The following GAPVD1 variants were observed in gnomAD, a reference collection of about 807,000 sequenced individuals.
The protein encoded by GAPVD1 is GTPase activating protein and VPS9 domains 1.
In GAPVD1, 35 loss-of-function variants were observed where a neutral mutation model predicts 155.5. The ratio of observed to expected loss-of-function variants is 0.23; its 90% CI spans 0.17 to 0.30. The LOEUF is 0.30. Ranked by LOEUF, GAPVD1 falls within the 10% of genes least tolerant of loss-of-function variation. GAPVD1 has a pLI of 1.00. For synonymous variants in GAPVD1, 636 were observed against 619.7 expected, an observed-to-expected ratio of 1.03 and a Z score of -0.39; for missense variants, 1,429 against 1,775.7, an observed-to-expected ratio of 0.80 and a Z score of 3.51.
chr9:125,356,131 C>A (rs567806012), intron 25 of GAPVD1, among the ~76,000 whole-genome samples: 1 of 152,174 alleles, frequency 6.6e-6, no homozygotes, highest in African/African-American at 2.4e-5. Flanking sequence ...CCTTCCTTCT[C>A]GTGATTAAGT....
chr9:125,347,030 A>G (rs1472213530), intron 20 of GAPVD1, 89 bp downstream of exon 20: 4 of 1,313,586 alleles, frequency 3.0e-6, no homozygotes, highest in East Asian at 2.4e-5. Flanking sequence ...AAAAGAAAGA[A>G]TAGCTAAGGG....
At chr9:125,270,984 A>G (rs1345547432) in intron 2 of GAPVD1, among the ~76,000 whole-genome samples, 4 of 152,162 alleles carry the variant, frequency 2.6e-5, no homozygotes, top group Non-Finnish European at 2.9e-5. Context: ...TGAAGGACTT[A>G]ACAGACTACA....
rs575484618 is a variant in GAPVD1, at chr9:125,306,721, G to A, written c.1117-692G>A. Among the ~76,000 whole-genome samples, 10 of 152,234 alleles carry A rather than the reference G, an allele frequency of 6.6e-5. No homozygotes were observed. The South Asian group carries it at 1.9e-3, about 28-fold the overall frequency. Reference sequence around the variant, plus strand: ...TTGCCCCAAGTGGTTTTGAACTTCCGAGCTCAAGCAGTCCACCCACCTTGG... The same window carrying A: ...TTGCCCCAAGTGGTTTTGAACTTCCAAGCTCAAGCAGTCCACCCACCTTGG... On this transcript the variant is annotated intron_variant, in intron 6 of 27. Coordinates refer to ENST00000297933, the MANE Select transcript of GAPVD1 (RefSeq NM_001282680.3).
chr9:125,337,917 CCAGGCTAGAGTA>C (rs1255128209), intron 17 of GAPVD1, among the ~76,000 whole-genome samples: 8 of 152,198 alleles, frequency 5.3e-5, no homozygotes, highest in African/African-American at 1.9e-4. Context: ...ACTCTGTTGC[CCAGGCTAGAGTA>C]CAGTGGTGCA....
At position 125,316,308 on chromosome 9, in the gene GAPVD1, C is replaced by T. The variant is rs62581367; in HGVS notation, c.1602+3696C>T. Among the ~76,000 whole-genome samples the T allele has an allele frequency of 9.4e-3, 1,424 of 152,102 alleles. 26 individuals are homozygous for T. The highest frequency in any genetic ancestry group is 0.033 in the African/African-American group (1,351 of 41,482). On this transcript the variant is annotated intron_variant, in intron 9 of 27. Coordinates refer to ENST00000297933, the MANE Select transcript of GAPVD1 (RefSeq NM_001282680.3). ...CCATAGATCTACATTAGATATTTCTCCTAATGATATCCCTCCCCTAACCCC... is the reference window on the plus strand; with the variant it reads ...CCATAGATCTACATTAGATATTTCTTCTAATGATATCCCTCCCCTAACCCC...
At chr9:125,346,190 A>G (rs1782506450) in intron 19 of GAPVD1, 1 of 153,082 alleles carries the variant, frequency 6.5e-6, no homozygotes, top group South Asian at 2.1e-4. Context: ...CATCTCAGGT[A>G]CAATTCCAGC....
At chr9:125,335,916 G>T (rs1162812231) in intron 15 of GAPVD1, among the ~76,000 whole-genome samples, 2 of 152,008 alleles carry the variant, frequency 1.3e-5, no homozygotes, top group Non-Finnish European at 2.9e-5. Flanking sequence ...ACTTTGAGAG[G>T]CAGAGGCAGG....
chr9:125,327,629 G>A (rs1201803116), intron 12 of GAPVD1, among the ~76,000 whole-genome samples: 2 of 152,010 alleles, frequency 1.3e-5, no homozygotes, highest in Non-Finnish European at 2.9e-5. Context: ...TCAGCCTCCC[G>A]AGTAGCTGGG....
chr9:125,322,321 C>T (rs1844448813), intron 10 of GAPVD1, among the ~76,000 whole-genome samples: 2 of 152,178 alleles, frequency 1.3e-5, no homozygotes, highest in African/African-American at 2.4e-5. Flanking sequence ...ACCTCAGCCT[C>T]CCAAAGTGCT....
At chr9:125,311,857 T>A (rs1842732522) in intron 8 of GAPVD1, among the ~76,000 whole-genome samples, 2 of 152,000 alleles carry the variant, frequency 1.3e-5, no homozygotes, top group Admixed American at 1.3e-4. Flanking sequence ...GTAGCTGGGA[T>A]TACAGGTGCA....
chr9:125,317,625 C>CAAAAAAAAAAAAAAA (rs1204830778), intron 9 of GAPVD1, among the ~76,000 whole-genome samples: 1 of 55,978 alleles, frequency 1.8e-5, no homozygotes, highest in Non-Finnish European at 3.9e-5. Flanking sequence ...AACTCTGTCT[C>CAAAAAAAAAAAAAAA]AAAAAAAAAA....
chr9:125,307,157 C>A (rs190667158), intron 6 of GAPVD1, among the ~76,000 whole-genome samples: 1 of 151,184 alleles, frequency 6.6e-6, no homozygotes, highest in Non-Finnish European at 1.5e-5. Context: ...CCCAGCTACT[C>A]GGGAGGCTGA....
intron 2 of GAPVD1, among the ~76,000 whole-genome samples, chr9:125,277,321 G>A (rs1484285324): frequency 7.2e-5 from 11 of 152,166 alleles, no homozygotes; most frequent in Admixed American, 6.6e-4. Context: ...AATGTAAAGT[G>A]CTGTGGGAGA....
At chr9:125,297,624 G>T (rs1840084741) in intron 3 of GAPVD1, among the ~76,000 whole-genome samples, 1 of 152,180 alleles carries the variant, frequency 6.6e-6, no homozygotes, top group Non-Finnish European at 1.5e-5. Flanking sequence ...TGGGATTGTA[G>T]GAGAGGAAAT....
intron 2 of GAPVD1, among the ~76,000 whole-genome samples, chr9:125,287,578 G>A (rs1837909988): frequency 6.6e-6 from 1 of 152,136 alleles, no homozygotes; most frequent in South Asian, 2.1e-4. Context: ...TAGGGAAATA[G>A]CATAAATTAG....
chr9:125,326,509 T>C lies in GAPVD1; in HGVS notation c.1952T>C (p.Val651Ala). ...LTDDRDISETVSETWSTDVLG... is the reference protein window; with the variant it reads ...LTDDRDISETASETWSTDVLG... ...GATGATAGGGACATATCAGAAACAG[T>C]GAGTGAGACCTGGAGTACAGACGTC... The change falls in exon 12 of 28, where the codon GTG (valine) becomes GCG (alanine). Residue 651 changes from valine (V) to alanine (A), a missense_variant. Coordinates refer to ENST00000297933, the MANE Select transcript of GAPVD1 (RefSeq NM_001282680.3). 6.2e-7 allele frequency: 1 copy of C among 1,609,808 alleles called. No individual in the cohort carries two copies. Among genetic ancestry groups the C allele is most frequent in the Non-Finnish European group, 8.5e-7 (1 of 1,175,990 alleles).
chr9:125,353,063 C>T (rs796340542), intron 23 of GAPVD1, among the ~76,000 whole-genome samples: 105 of 151,718 alleles, frequency 6.9e-4, no homozygotes, highest in African/African-American at 2.1e-3. Flanking sequence ...GCTGAGATCA[C>T]GCCACTGCAC....
intron 20 of GAPVD1, among the ~76,000 whole-genome samples, chr9:125,348,254 G>A (rs1013501694): frequency 3.9e-5 from 6 of 152,036 alleles, no homozygotes; most frequent in Admixed American, 6.6e-5. Context: ...ATGGGGCTTC[G>A]CCATGTTGCC....
intron 15 of GAPVD1, among the ~76,000 whole-genome samples, chr9:125,334,883 C>G (rs993346091): frequency 2.0e-5 from 3 of 151,866 alleles, no homozygotes; most frequent in Non-Finnish European, 4.4e-5. Context: ...GAAATTCAAA[C>G]TTTTGGACAA....
Sources: gnomAD v4.1 joint callset for allele counts (sites outside exome capture counted in the v4.1 genomes callset) on GRCh38, gnomAD v4.1.1 for gene constraint, MANE v1.5 for transcripts, NCBI Gene and HGNC (gene_info 2026-07-23, HGNC 2026-07-21) for gene names.